ARAP1: variants seen among roughly 807,000 people sequenced by gnomAD.
The protein encoded by ARAP1 is arf-GAP with Rho-GAP domain, ANK repeat and PH domain-containing protein 1.
A neutral mutation model predicts 172.2 loss-of-function variants in ARAP1; 76 were observed. That is an observed-to-expected ratio of 0.44 (90% confidence interval 0.37 to 0.53). The LOEUF (loss-of-function observed/expected upper bound fraction) is 0.53, where lower values mean the gene tolerates loss of function less well. ARAP1 is among the 20% of genes least tolerant of loss of function. The pLI is 0.00. For synonymous variants in ARAP1, 804 were observed against 803.3 expected (o/e 1.00, Z -0.01); for missense variants, 1,686 against 1,977.5 (o/e 0.85, Z 2.80).
chr11:72,724,735 G>A (rs1857635329), intron 3 of ARAP1, among the ~76,000 whole-genome samples: 1 of 152,196 alleles, frequency 6.6e-6, no homozygotes, highest in Non-Finnish European at 1.5e-5. Flanking sequence ...CAGGAAGCCA[G>A]GCTTGGTAGC....
Position 72,693,258 on chromosome 11 carries a change from G to T in ARAP1, c.3954+67C>A, listed in dbSNP as rs1247114847. ...GAATATTTCCACTTGCAGACCAAGGGGAATCTCTGAGCACATTCAGGTGTA... is the reference window on the plus strand; with the variant it reads ...GAATATTTCCACTTGCAGACCAAGGTGAATCTCTGAGCACATTCAGGTGTA... On this transcript the variant is annotated intron_variant, in intron 29 of 34. Coordinates refer to ENST00000393609, the MANE Select transcript of ARAP1 (RefSeq NM_001040118.3). This position sits in a 1 kb window ranked among gnomAD's most constrained non-coding sequence, Gnocchi z 4.6. 1 of 1,569,514 alleles carries T rather than the reference G, an allele frequency of 6.4e-7. No homozygotes were observed. Among genetic ancestry groups the T allele is most frequent in the South Asian group, 1.2e-5 (1 of 86,028 alleles).
At chr11:72,711,525 A>C (rs1009958915) in intron 7 of ARAP1, 26 bp from the exon 8 acceptor site, 10 of 1,595,562 alleles carry the variant, frequency 6.3e-6, no homozygotes, top group Middle Eastern at 1.7e-4. Context: ...GACAACAAGC[A>C]AATGACCGGG....
In ARAP1 at chr11:72,701,643, A is replaced by T; in HGVS notation, c.2302+6T>A. The T allele has an allele frequency of 7.4e-6, 12 of 1,611,882 alleles. No individual in the cohort carries two copies. Among genetic ancestry groups the T allele is most frequent in the Non-Finnish European group, 8.5e-6 (10 of 1,179,148 alleles). Reference sequence around the variant, plus strand: ...GGGCTAAAGCAGAGTCTGGGGTGGCACCCACCTTCCCGGGCCCGGCGGTCC... The same window carrying T: ...GGGCTAAAGCAGAGTCTGGGGTGGCTCCCACCTTCCCGGGCCCGGCGGTCC... On this transcript the variant is annotated splice_donor_region_variant and intron_variant, in intron 16 of 34. Coordinates refer to ENST00000393609, the MANE Select transcript of ARAP1 (RefSeq NM_001040118.3).
chr11:72,727,123 T>A lies in ARAP1; in HGVS notation c.6A>T (p.Ala2=), dbSNP rs1857717044. ...CCGATAGCGCAGCATCCCCAGCCTCTGCCATGGTTCCTGCCAGCGGAGGCC... is the reference window on the plus strand; with the variant it reads ...CCGATAGCGCAGCATCCCCAGCCTCAGCCATGGTTCCTGCCAGCGGAGGCC... M[A]EAGDAALSVA... The change falls in exon 3 of 35, where the codon GCA becomes GCT. Residue 2 remains alanine, a synonymous_variant. Transcript: ENST00000393609. 1 of 1,584,320 alleles carries A rather than the reference T, an allele frequency of 6.3e-7. No homozygotes were observed. The highest frequency in any genetic ancestry group is 1.1e-5 in the South Asian group (1 of 89,496).
chr11:72,695,350 T>C lies in ARAP1; in HGVS notation c.3576+37A>G. On this transcript the variant is annotated intron_variant, in intron 26 of 34. Coordinates refer to ENST00000393609, the MANE Select transcript of ARAP1 (RefSeq NM_001040118.3). This position sits in a 1 kb window ranked among gnomAD's most constrained non-coding sequence, Gnocchi z 4.4. ...TGAGCCTGTACCTGGCCCAGCCTGA[T>C]TCTCTAGCCCCTTGGCTTCTAGGTC... The C allele has an allele frequency of 6.2e-7, 1 of 1,613,700 alleles. No individual in the cohort carries two copies. The highest frequency in any genetic ancestry group is 8.5e-7 in the Non-Finnish European group (1 of 1,179,766).
chr11:72,723,677 G>A (rs1001125842), intron 3 of ARAP1, among the ~76,000 whole-genome samples: 4 of 152,174 alleles, frequency 2.6e-5, no homozygotes, highest in Admixed American at 6.5e-5. Flanking sequence ...AGTCACATGC[G>A]TGTTTACCCA....
At chr11:72,713,341 C>G in intron 4 of ARAP1, 98 bp from the exon 5 acceptor site, 2 of 1,122,302 alleles carry the variant, frequency 1.8e-6, no homozygotes, top group East Asian at 2.4e-5. Flanking sequence ...CATGCCAAGA[C>G]CCCCATCCCC....
chr11:72,741,792 G>A lies in ARAP1; in HGVS notation c.-127-9195C>T, dbSNP rs1262600291. Among the ~76,000 whole-genome samples the A allele has an allele frequency of 1.3e-5, 2 of 152,202 alleles. No individual in the cohort carries two copies. Among genetic ancestry groups the A allele is most frequent in the Non-Finnish European group, 2.9e-5 (2 of 67,982 alleles). ...CTCACCACGTGCCCTGGGGGCCGAG[G>A]GCCAGCACCCACCCTGCCCCAAGAG... On this transcript the variant is annotated intron_variant, in intron 1 of 34. Transcript: ENST00000393609. The surrounding 1 kb of genome is among the most constrained non-coding windows in gnomAD (Gnocchi z 4.5).
chr11:72,734,214 A>AGGCTCAAG (rs751039196), intron 1 of ARAP1, among the ~76,000 whole-genome samples: 3 of 152,014 alleles, frequency 2.0e-5, no homozygotes, highest in Non-Finnish European at 4.4e-5. Flanking sequence ...TCCAACTCCC[A>AGGCTCAAG]GGCTCAAGCA....
chr11:72,743,442 G>A (rs897128109), intron 1 of ARAP1, among the ~76,000 whole-genome samples: 1 of 145,112 alleles, frequency 6.9e-6, no homozygotes, highest in Non-Finnish European at 1.5e-5. Context: ...ACACACACAC[G>A]GAGGCAAGAA....
chr11:72,699,925 C>T lies in ARAP1; in HGVS notation c.2303-373G>A, dbSNP rs1856397809. 2 of 287,362 alleles carry T rather than the reference C, an allele frequency of 7.0e-6. No individual in the cohort carries two copies. The highest frequency in any genetic ancestry group is 9.7e-5 in the Admixed American group (2 of 20,658). The allele number at this position is 287,362 out of a possible 1,614,324, so 17.8% of individuals were successfully genotyped here. A position where few individuals can be genotyped will look rare whatever the true frequency, so the allele number is the denominator to read the frequency against. The stretch of plus-strand genomic sequence containing the variant: ...CAGCTGCCTCTCTGTCACTCCTGGA[C>T]ACACACATCCCTACCCAGCACTCCC... On this transcript the variant is annotated intron_variant, in intron 16 of 34. Transcript: ENST00000393609. This position sits in a 1 kb window ranked among gnomAD's most constrained non-coding sequence, Gnocchi z 4.2.
At position 72,696,984 on chromosome 11, in the gene ARAP1, T is replaced by C; in HGVS notation, c.3165A>G (p.Ser1055=). ...RAQRLTWLEA[S]EIEDEEEKVS... The stretch of plus-strand genomic sequence containing the variant: ...CTGGGCACGGGCTGCAGGGCCCACC[T>C]GAGGCCTCCAGCCAGGTTAGGCGCT... Residue 1055 remains serine (S), a splice_region_variant and synonymous_variant, in exon 22 of 35, where the codon TCA becomes TCG. Coordinates refer to ENST00000393609, the MANE Select transcript of ARAP1 (RefSeq NM_001040118.3). 6.2e-7 allele frequency: 1 copy of C among 1,603,760 alleles called. No homozygotes were observed. The highest frequency in any genetic ancestry group is 8.5e-7 in the Non-Finnish European group (1 of 1,179,220).
rs1591184406 is a variant in ARAP1, at chr11:72,699,344, C to T, written c.2438+73G>A. Reference sequence around the variant, plus strand: ...GCGGAGGTCCTCCCCTTCTCTGGGTCTATTTCCCTGTCTCCCCAGTGGGGG... The same window carrying T: ...GCGGAGGTCCTCCCCTTCTCTGGGTTTATTTCCCTGTCTCCCCAGTGGGGG... On this transcript the variant is annotated intron_variant, in intron 17 of 34. Coordinates refer to ENST00000393609, the MANE Select transcript of ARAP1 (RefSeq NM_001040118.3). This position sits in a 1 kb window ranked among gnomAD's most constrained non-coding sequence, Gnocchi z 4.2. 3 of 1,598,050 alleles carry T rather than the reference C, an allele frequency of 1.9e-6. No homozygotes were observed. The highest frequency in any genetic ancestry group is 2.6e-6 in the Non-Finnish European group (3 of 1,170,234).
At chr11:72,745,182 C>CTTTTTTTTTTT (rs902550014) in intron 1 of ARAP1, among the ~76,000 whole-genome samples, 8 of 88,304 alleles carry the variant, frequency 9.1e-5, no homozygotes, top group African/African-American at 2.0e-4. Context: ...AAGTTTCTTT[C>CTTTTTTTTTTT]TTTTTTTTTT....
chr11:72,705,650 G>T, intron 13 of ARAP1, 155 bp downstream of exon 13: 1 of 690,422 alleles, frequency 1.4e-6, no homozygotes. Context: ...GCCAAAAATT[G>T]CTTTTCCGAA....
chr11:72,735,943 G>A (rs1268252014), intron 1 of ARAP1, among the ~76,000 whole-genome samples: 1 of 152,152 alleles, frequency 6.6e-6, no homozygotes, highest in African/African-American at 2.4e-5. Context: ...CCATCAACCA[G>A]TGAAAACAGC....
At chr11:72,712,787 A>G in intron 5 of ARAP1, 2 of 668,252 alleles carry the variant, frequency 3.0e-6, no homozygotes, top group Admixed American at 2.9e-5. Flanking sequence ...CCTAGGACAC[A>G]GACAAAAACA....
Position 72,714,418 on chromosome 11 carries a change from C to T in ARAP1, c.510-97G>A, listed in dbSNP as rs1857184351. On this transcript the variant is annotated intron_variant, in intron 3 of 34. Coordinates refer to ENST00000393609, the MANE Select transcript of ARAP1 (RefSeq NM_001040118.3). Reference sequence around the variant, plus strand: ...CACCTGAACTGCAGCAAAACTCAGGCACTACACAAACTCACACAGACAGGA... The same window carrying T: ...CACCTGAACTGCAGCAAAACTCAGGTACTACACAAACTCACACAGACAGGA... 5 of 1,265,468 alleles carry T rather than the reference C, an allele frequency of 4.0e-6. No homozygotes were observed. In the East Asian group the frequency reaches 8.3e-5, roughly 21 times the overall value. 78.4% of individuals were successfully genotyped at this position (1,265,468 alleles called of 1,614,324 possible).
intron 22 of ARAP1, 27 bp downstream of exon 22, chr11:72,696,956 A>C (rs1359353874): frequency 1.9e-6 from 3 of 1,588,666 alleles, no homozygotes; most frequent in Admixed American, 1.7e-5. Flanking sequence ...GAGGAGGAGG[A>C]GGCTGGGCAC....
Sources: allele counts gnomAD v4.1 joint callset (sites outside exome capture counted in the v4.1 genomes callset), GRCh38; gene constraint gnomAD v4.1.1; non-coding constraint Gnocchi (gnomAD v3.1); transcripts MANE v1.5; gene names NCBI Gene and HGNC (gene_info 2026-07-23, HGNC 2026-07-21).